The following C2orf49 variants were observed in gnomAD, a reference collection of about 807,000 sequenced individuals.
C2orf49 encodes tRNA-splicing ligase complex subunit ASW.
A neutral mutation model predicts 20.6 loss-of-function variants in C2orf49; 11 were observed. The observed-to-expected ratio is 0.53, with a 90% CI of 0.34 to 0.88. The LOEUF is 0.88. Ranked by LOEUF, C2orf49 falls within the 40% of genes least tolerant of loss-of-function variation. C2orf49 has a pLI of 0.02. For synonymous variants in C2orf49, 134 were observed against 108.5 expected (o/e 1.24, Z -1.46); for missense variants, 289 against 274.2 (o/e 1.05, Z -0.38).
At chr2:105,361,650 G>C in the C2orf49 span, among the ~76,000 whole-genome samples, 2 of 152,168 alleles carry the variant, frequency 1.3e-5, no homozygotes, top group Non-Finnish European at 2.9e-5. Flanking sequence ...ATATAAACTG[G>C]TTCCAAAACG....
At chr2:105,375,047 A>T in the C2orf49 span, among the ~76,000 whole-genome samples, 1 of 152,310 alleles carries the variant, frequency 6.6e-6, no homozygotes, top group East Asian at 1.9e-4. Flanking sequence ...ATGTGAAGAC[A>T]TGGATCTTGG....
At chr2:105,360,109 A>C in the C2orf49 span, 1 of 152,102 alleles carries the variant, frequency 6.6e-6, no homozygotes, top group Non-Finnish European at 1.5e-5. Context: ...GTTCAAGACC[A>C]GCCTAACATG....
At position 105,346,611 on chromosome 2, in the gene C2orf49, A is replaced by T. The variant is rs567703109; in HGVS notation, c.*1240A>T. ...TAGAATTTATAAGAGTCCAGGAAGC[A>T]TAGCAGTCAGGGGCAAAAATTAGCG... On this transcript the variant is annotated 3_prime_UTR_variant, in exon 4 of 4. Coordinates refer to ENST00000258457, the MANE Select transcript of C2orf49 (RefSeq NM_024093.3). The T allele has an allele frequency of 6.6e-6, 1 of 152,372 alleles. No homozygotes were observed. Among genetic ancestry groups the T allele is most frequent in the South Asian group, 2.1e-4 (1 of 4,828 alleles). 9.4% of individuals were successfully genotyped at this position (152,372 alleles called of 1,614,324 possible).
At chr2:105,371,343 T>C in the C2orf49 span, among the ~76,000 whole-genome samples, 2 of 152,140 alleles carry the variant, frequency 1.3e-5, no homozygotes, top group African/African-American at 4.8e-5. Context: ...GGGCAAAGAC[T>C]AAGGTTTCCC....
chr2:105,370,013 A>G, the C2orf49 span, among the ~76,000 whole-genome samples: 2 of 152,168 alleles, frequency 1.3e-5, no homozygotes, highest in South Asian at 4.1e-4. Context: ...TGAATCGCAC[A>G]CTCTGAACCA....
the C2orf49 span, chr2:105,363,598 G>A: frequency 2.3e-6 from 2 of 866,762 alleles, no homozygotes; most frequent in African/African-American, 3.4e-5. Flanking sequence ...TCACCAAGAA[G>A]CTGCTTTACA....
downstream of C2orf49, among the ~76,000 whole-genome samples, chr2:105,352,221 CAT>C (rs1301910532): frequency 6.6e-6 from 1 of 152,132 alleles, no homozygotes; most frequent in Non-Finnish European, 1.5e-5. Flanking sequence ...TTGCTTAAGT[CAT>C]ATCATTTAAG....
At chr2:105,383,104 T>C in the C2orf49 span, among the ~76,000 whole-genome samples, 1 of 152,226 alleles carries the variant, frequency 6.6e-6, no homozygotes, top group Non-Finnish European at 1.5e-5. Context: ...CAGGCTGGTC[T>C]CCAGCTCCTG....
chr2:105,381,756 C>T, the C2orf49 span, among the ~76,000 whole-genome samples: 1 of 152,100 alleles, frequency 6.6e-6, no homozygotes, highest in Non-Finnish European at 1.5e-5. Flanking sequence ...TGGACAAATT[C>T]TACACGGAAG....
At chr2:105,344,318 G>C (rs1055836049) in intron 3 of C2orf49, among the ~76,000 whole-genome samples, 2 of 152,050 alleles carry the variant, frequency 1.3e-5, no homozygotes, top group Non-Finnish European at 2.9e-5. Flanking sequence ...TGGGATAAGA[G>C]TTAGAACAAT....
At chr2:105,377,999 C>G in the C2orf49 span, 2 of 462,644 alleles carry the variant, frequency 4.3e-6, no homozygotes, top group East Asian at 1.4e-4. Flanking sequence ...GACTGACCTT[C>G]AAGAAAAACT....
Position 105,348,079 on chromosome 2 carries a change from T to C in C2orf49, c.*2708T>C, listed in dbSNP as rs1394822533. On this transcript the variant is annotated 3_prime_UTR_variant, in exon 4 of 4. Transcript: ENST00000258457. ...CTTTCTCTACTTTAATTCTCCTTCC[T>C]CCTTACTGTAGATCCCAAGCTTCTA... is the stretch of plus-strand genomic sequence containing the variant. The C allele has an allele frequency of 6.6e-6, 1 of 152,196 alleles. No homozygotes were observed. The highest frequency in any genetic ancestry group is 1.5e-5 in the Non-Finnish European group (1 of 68,036). 9.4% of individuals were successfully genotyped at this position (152,196 alleles called of 1,614,324 possible). A position where few individuals can be genotyped will look rare whatever the true frequency, so the allele number is the denominator to read the frequency against.
At chr2:105,351,617 C>T (rs187080269), downstream of C2orf49, among the ~76,000 whole-genome samples, 1 of 152,194 alleles carries the variant, frequency 6.6e-6, no homozygotes, top group South Asian at 2.1e-4. Flanking sequence ...TTTCAGTTCG[C>T]TCCCGTTTCC....
the C2orf49 span, chr2:105,373,767 C>T: frequency 6.2e-7 from 1 of 1,611,378 alleles, no homozygotes; most frequent in Admixed American, 1.7e-5. Flanking sequence ...CAGTCAGAGG[C>T]AGGACAGGAG....
the C2orf49 span, among the ~76,000 whole-genome samples, chr2:105,373,248 T>C: frequency 5.4e-4 from 82 of 152,292 alleles, no homozygotes; most frequent in Non-Finnish European, 1.0e-3. Flanking sequence ...AAACTATCTA[T>C]GGTGGTGGGA....
the C2orf49 span, among the ~76,000 whole-genome samples, chr2:105,357,018 TCA>T: frequency 1.3e-5 from 2 of 152,128 alleles, no homozygotes; most frequent in South Asian, 4.1e-4. Flanking sequence ...TGCTGTTTTC[TCA>T]CACTGCAGCC....
At chr2:105,366,621 G>T in the C2orf49 span, among the ~76,000 whole-genome samples, 4 of 152,360 alleles carry the variant, frequency 2.6e-5, no homozygotes, top group African/African-American at 9.6e-5. Flanking sequence ...ACCCTGAAGG[G>T]TGCAGGTCGG....
the C2orf49 span, among the ~76,000 whole-genome samples, chr2:105,377,291 G>A: frequency 6.6e-6 from 1 of 152,162 alleles, no homozygotes; most frequent in African/African-American, 2.4e-5. Flanking sequence ...TGGTTAAGAA[G>A]GTAAGTGTGA....
chr2:105,354,851 T>TA, the C2orf49 span, among the ~76,000 whole-genome samples: 1 of 152,194 alleles, frequency 6.6e-6, no homozygotes, highest in Non-Finnish European at 1.5e-5. Context: ...AGGTAACTAA[T>TA]ACAATATTTA....
Sources: allele counts gnomAD v4.1 joint callset (sites outside exome capture counted in the v4.1 genomes callset), GRCh38; gene constraint gnomAD v4.1.1; transcripts MANE v1.5; gene names NCBI Gene and HGNC (gene_info 2026-07-23, HGNC 2026-07-21).